The following RIN2 variants were observed in gnomAD, a reference collection of about 807,000 sequenced individuals.
RIN2 encodes RAB5 interacting protein 2.
Under a neutral mutation model 78.0 loss-of-function variants are expected in RIN2, and 36 were observed. The ratio of observed to expected loss-of-function variants is 0.46; its 90% CI spans 0.35 to 0.61. The LOEUF (loss-of-function observed/expected upper bound fraction) is 0.61. Among genes scored for constraint, RIN2 ranks in the 20% least tolerant of loss-of-function variants. The pLI, the probability that RIN2 is intolerant of heterozygous loss-of-function variation, is 0.00. For synonymous variants in RIN2, 466 were observed against 466.8 expected (o/e 1.00, Z 0.02); for missense variants, 1,087 against 1,159.7 (o/e 0.94, Z 0.91).
Position 19,873,470 on chromosome 20 carries a change from T to C in RIN2, c.-36-16096T>C, listed in dbSNP as rs1321186674. ...GAAAGGACCAGATAACATTTTAGGG[T>C]TTGCAGGCCACGTAGTCTCTGTTGC... is the stretch of plus-strand genomic sequence containing the variant. On this transcript the variant is annotated intron_variant, in intron 2 of 12. Coordinates refer to ENST00000255006, the MANE Select transcript of RIN2 (RefSeq NM_018993.4). Among the ~76,000 whole-genome samples the C allele has an allele frequency of 3.3e-5, 5 of 152,242 alleles. No individual in the cohort carries two copies. In the East Asian group the frequency reaches 9.7e-4, roughly 29 times the overall value.
intron 2 of RIN2, among the ~76,000 whole-genome samples, chr20:19,827,492 T>A (rs1166754749): frequency 1.3e-5 from 2 of 152,212 alleles, no homozygotes; most frequent in African/African-American, 2.4e-5. Flanking sequence ...TTCTCTGTTT[T>A]TGAAGCCAAG....
chr20:19,873,214 T>A (rs530411928), intron 2 of RIN2, among the ~76,000 whole-genome samples: 2 of 152,260 alleles, frequency 1.3e-5, no homozygotes, highest in South Asian at 4.1e-4. Context: ...AGCCTTGATC[T>A]CCTGGGCTCA....
intron 2 of RIN2, among the ~76,000 whole-genome samples, chr20:19,888,418 C>A (rs1039479545): frequency 1.3e-5 from 2 of 152,204 alleles, no homozygotes; most frequent in African/African-American, 4.8e-5. Flanking sequence ...CCCTAAATAT[C>A]GCCCTCAATG....
In RIN2 at chr20:19,844,598, T is replaced by TGC. The variant is rs1491215956; in HGVS notation, c.-37+44851_-37+44852insGC. Among the ~76,000 whole-genome samples the TGC allele has an allele frequency of 4.5e-3, 290 of 64,156 alleles. 5 individuals carry two copies. Among genetic ancestry groups the TGC allele is most frequent in the African/African-American group, 0.014 (269 of 19,210 alleles). 42.1% of individuals were successfully genotyped at this position (64,156 alleles called of 152,430 possible). ...GAGCTGCTGCTGCTGCTGCTGCTTC[T>TGC]TCCTCTTCTTCTTCTTCTTCTTCTT... On this transcript the variant is annotated intron_variant, in intron 2 of 12. Coordinates refer to ENST00000255006, the MANE Select transcript of RIN2 (RefSeq NM_018993.4).
intron 2 of RIN2, among the ~76,000 whole-genome samples, chr20:19,830,014 C>T (rs1402564523): frequency 2.0e-5 from 3 of 152,082 alleles, no homozygotes; most frequent in African/African-American, 7.3e-5. Flanking sequence ...ATTTTTGCAT[C>T]GTATGTTGGA....
At chr20:19,782,717 C>T (rs1045273106) in intron 1 of RIN2, among the ~76,000 whole-genome samples, 3 of 152,188 alleles carry the variant, frequency 2.0e-5, no homozygotes, top group Non-Finnish European at 4.4e-5. Context: ...CTCCCTTCCT[C>T]CTACTTGGCA....
intron 9 of RIN2, among the ~76,000 whole-genome samples, chr20:19,980,044 C>CAAAAAA (rs56268489): frequency 0.031 from 2,217 of 72,450 alleles, 151 homozygotes; most frequent in South Asian, 0.05. Context: ...AACTCCATCT[C>CAAAAAA]AAAAAAAAAA....
intron 3 of RIN2, among the ~76,000 whole-genome samples, chr20:19,923,289 G>A (rs1012679197): frequency 1.6e-4 from 24 of 151,894 alleles, no homozygotes; most frequent in Non-Finnish European, 2.2e-4. Context: ...GGTGGCGGGC[G>A]CCTGTAGTCT....
intron 6 of RIN2, 43 bp from the exon 7 acceptor site, chr20:19,964,909 G>T (rs767323971): frequency 6.5e-7 from 1 of 1,531,846 alleles, no homozygotes; most frequent in South Asian, 1.1e-5. Flanking sequence ...GTCCCAGAAC[G>T]TGCTCAGGGA....
chr20:19,975,294 T>A lies in RIN2; in HGVS notation c.1269T>A (p.His423Gln). The change falls in exon 9 of 13, where the codon CAT (histidine) becomes CAA (glutamine). Residue 423 changes from histidine to glutamine, a missense_variant. Transcript: ENST00000255006. This position sits in a 1 kb window ranked among gnomAD's most constrained non-coding sequence, Gnocchi z 4.9. ...PPSSESRPPC[H>Q]GGRQRLSDMS... is the part of the protein sequence containing the mutation. ...GCTCTGAATCACGGCCCCCGTGCCA[T>A]GGAGGCCGGCAGCGGCTGAGCGACA... 6.2e-7 allele frequency: 1 copy of A among 1,603,834 alleles called. No homozygotes were observed. The highest frequency in any genetic ancestry group is 1.3e-5 in the African/African-American group (1 of 74,874).
rs897807230 is a variant in RIN2, at chr20:19,802,968, T to G, written c.-37+3221T>G. On this transcript the variant is annotated intron_variant, in intron 2 of 12. Transcript: ENST00000255006. ...CCCACTAGACCCCTCTTTTATCTTCTCTTGTTCTCGGGCTTCTCCTGCCCT... is the reference window on the plus strand; with the variant it reads ...CCCACTAGACCCCTCTTTTATCTTCGCTTGTTCTCGGGCTTCTCCTGCCCT... 2.9e-4 allele frequency among the ~76,000 whole-genome samples: 44 copies of G among 152,164 alleles called. 1 individual carries two copies. Among genetic ancestry groups the G allele is most frequent in the Non-Finnish European group, 1.5e-5 (1 of 68,030 alleles).
chr20:19,951,092 C>T lies in RIN2; in HGVS notation c.159-5523C>T, dbSNP rs139624902. ...TATATTTTGTAGAGACTGGGTTTTG[C>T]CATGTTGCCCGGGCTGGCCTCAAAC... On this transcript the variant is annotated intron_variant, in intron 4 of 12. Coordinates refer to ENST00000255006, the MANE Select transcript of RIN2 (RefSeq NM_018993.4). 2.4e-4 allele frequency among the ~76,000 whole-genome samples: 37 copies of T among 152,038 alleles called. No homozygotes were observed. In the Middle Eastern group the frequency reaches 0.014, roughly 56 times the overall value.
chr20:19,880,198 C>A (rs192005920), intron 2 of RIN2, among the ~76,000 whole-genome samples: 4 of 150,230 alleles, frequency 2.7e-5, no homozygotes, highest in African/African-American at 9.8e-5. Flanking sequence ...TTGCAGTGAG[C>A]CGAGATCATG....
intron 1 of RIN2, among the ~76,000 whole-genome samples, chr20:19,774,932 G>C (rs2034261069): frequency 6.6e-6 from 1 of 152,186 alleles, no homozygotes; most frequent in Admixed American, 6.5e-5. Flanking sequence ...GCAAAGCTGT[G>C]GTGAATTAGA....
At chr20:19,910,366 T>C (rs2039407666) in intron 3 of RIN2, among the ~76,000 whole-genome samples, 1 of 148,694 alleles carries the variant, frequency 6.7e-6, no homozygotes, top group South Asian at 2.2e-4. Flanking sequence ...GGAGTCAGGG[T>C]TTCACCATGT....
chr20:19,986,615 C>T (rs2042631275), intron 9 of RIN2, among the ~76,000 whole-genome samples: 1 of 152,142 alleles, frequency 6.6e-6, no homozygotes, highest in African/African-American at 2.4e-5. Context: ...GCCTGTCCAA[C>T]TTGCTAGTAA....
intron 9 of RIN2, among the ~76,000 whole-genome samples, chr20:19,980,281 C>T (rs546881826): frequency 2.6e-5 from 4 of 152,208 alleles, no homozygotes; most frequent in East Asian, 1.9e-4. Context: ...TAGAAGACCA[C>T]GACAAGAAGC....
At position 19,931,140 on chromosome 20, in the gene RIN2, C is replaced by G. The variant is rs2040423893; in HGVS notation, c.58-3959C>G. ...GTGACCGAGCCCATTGACCTGTGAA[C>G]ACTTTCATCCATTTCTCCTGTCTAG... is the stretch of plus-strand genomic sequence containing the variant. On this transcript the variant is annotated intron_variant, in intron 3 of 12. Coordinates refer to ENST00000255006, the MANE Select transcript of RIN2 (RefSeq NM_018993.4). Among the ~76,000 whole-genome samples, 4 of 152,144 alleles carry G rather than the reference C, an allele frequency of 2.6e-5. No homozygotes were observed. In the South Asian group the frequency reaches 8.3e-4, roughly 32 times the overall value.
intron 3 of RIN2, among the ~76,000 whole-genome samples, chr20:19,896,880 T>C (rs1159225729): frequency 2.0e-5 from 3 of 152,194 alleles, no homozygotes; most frequent in Non-Finnish European, 4.4e-5. Context: ...TAATAATATA[T>C]TGTATTTGGC....
Sources: allele counts gnomAD v4.1 joint callset (sites outside exome capture counted in the v4.1 genomes callset), GRCh38; gene constraint gnomAD v4.1.1; non-coding constraint Gnocchi (gnomAD v3.1); transcripts MANE v1.5; gene names NCBI Gene and HGNC (gene_info 2026-07-23, HGNC 2026-07-21).